BTBD7: variants seen among roughly 807,000 people sequenced by gnomAD.
The protein encoded by BTBD7 is BTB/POZ domain-containing protein 7.
A neutral mutation model predicts 99.9 loss-of-function variants in BTBD7; 38 were observed. The ratio of observed to expected loss-of-function variants is 0.38; its 90% CI spans 0.29 to 0.50. The LOEUF is 0.50. BTBD7 is among the 20% of genes least tolerant of loss of function. The pLI, the probability that BTBD7 is intolerant of heterozygous loss-of-function variation, is 0.93. For missense variants in BTBD7, 1,170 were observed against 1,394.6 expected (o/e 0.84, Z 2.57); for synonymous variants, 520 against 511.4 (o/e 1.02, Z -0.23).
rs756942410 is a variant in BTBD7, at chr14:93,296,068, GGC to G, written c.-19_-18del. 6.2e-6 allele frequency: 10 copies of G among 1,612,528 alleles called. No homozygotes were observed. Among genetic ancestry groups the G allele is most frequent in the Non-Finnish European group, 8.5e-6 (10 of 1,179,326 alleles). ...AGCACCCATTTTCTTCAGTCACTCA[GGC>G]ATTCCGTCTGCGGGTTCTTCAGAGT... On this transcript the variant is annotated 5_prime_UTR_variant, in exon 2 of 11. The change abolishes an upstream ATG in the 5' untranslated region. Coordinates refer to ENST00000334746, the MANE Select transcript of BTBD7 (RefSeq NM_001002860.4).
At chr14:93,290,540 CAA>C (rs2052838039) in intron 3 of BTBD7, among the ~76,000 whole-genome samples, 2 of 91,396 alleles carry the variant, frequency 2.2e-5, no homozygotes, top group East Asian at 6.6e-4. Context: ...TTTTTTAAGA[CAA>C]AGTCTCACTC....
rs533337808 is a variant in BTBD7, at chr14:93,305,475, T to C, written c.-106-9318A>G. Among the ~76,000 whole-genome samples, 5 of 152,286 alleles carry C rather than the reference T, an allele frequency of 3.3e-5. No individual in the cohort carries two copies. In the South Asian group the frequency reaches 1.0e-3, roughly 32 times the overall value. On this transcript the variant is annotated intron_variant, in intron 1 of 10. Transcript: ENST00000334746. ...TAAGAGACATCAACAAGGTCTCTTA[T>C]GAAAAACAAGAAGTAGAAAACCAGA... is the stretch of plus-strand genomic sequence containing the variant.
chr14:93,269,430 C>G (rs3825680), intron 3 of BTBD7, among the ~76,000 whole-genome samples: 1 of 152,096 alleles, frequency 6.6e-6, no homozygotes. Context: ...CCTGTAGGTA[C>G]GAAACCATCA....
intron 1 of BTBD7, among the ~76,000 whole-genome samples, chr14:93,332,566 G>A (rs2053454915): frequency 6.6e-6 from 1 of 151,096 alleles, no homozygotes; most frequent in South Asian, 2.1e-4. Context: ...TCGCGCCCCT[G>A]CCCCAGGGAC....
At position 93,245,977 on chromosome 14, in the gene BTBD7, C is replaced by T; in HGVS notation, c.2431G>A (p.Gly811Ser). 1.2e-6 allele frequency: 2 copies of T among 1,614,042 alleles called. No homozygotes were observed. Among genetic ancestry groups the T allele is most frequent in the Non-Finnish European group, 1.7e-6 (2 of 1,180,002 alleles). Residue 811 changes from glycine to serine, a missense_variant, in exon 10 of 11, where the codon GGC becomes AGC. Physicochemically the swap from Gly to Ser is moderately conservative, Grantham distance 56. Coordinates refer to ENST00000334746, the MANE Select transcript of BTBD7 (RefSeq NM_001002860.4). Reference sequence around the variant, plus strand: ...CTCGGCAAGTAGACTGGGGGAGGGCCAGCTTTAGGAGCTGTTCTGGAGTGG... The same window carrying T: ...CTCGGCAAGTAGACTGGGGGAGGGCTAGCTTTAGGAGCTGTTCTGGAGTGG... ...LFHSRTAPKA[G>S]PPPVYLPSVK...
intron 3 of BTBD7, among the ~76,000 whole-genome samples, chr14:93,277,197 C>T (rs1239800200): frequency 1.3e-5 from 2 of 151,986 alleles, no homozygotes; most frequent in African/African-American, 2.4e-5. Context: ...CCACTGTGCC[C>T]GGCTCAGGTT....
intron 8 of BTBD7, 54 bp downstream of exon 8, chr14:93,251,409 C>A (rs964615812): frequency 2.0e-6 from 3 of 1,491,354 alleles, no homozygotes; most frequent in Non-Finnish European, 1.8e-6. Flanking sequence ...TCAGCAATTT[C>A]AAAAAAACAA....
rs1033785320 is a variant in BTBD7, at chr14:93,290,997, T to G, written c.1162+2861A>C. 2.4e-3 allele frequency among the ~76,000 whole-genome samples: 345 copies of G among 143,712 alleles called. 2 individuals are homozygous for G. Among genetic ancestry groups the G allele is most frequent in the African/African-American group, 8.5e-3 (330 of 38,644 alleles). 94.3% of individuals were successfully genotyped at this position (143,712 alleles called of 152,430 possible). The stretch of plus-strand genomic sequence containing the variant: ...ACTGTGCTAGGCCTAGTTTTTTTTT[T>G]TTTTTTTTTTTTTTTGGTAGAGACG... On this transcript the variant is annotated intron_variant, in intron 3 of 10. Transcript: ENST00000334746.
In BTBD7 at chr14:93,322,717, A is replaced by G. The variant is rs141270724; in HGVS notation, c.-107+10103T>C. Among the ~76,000 whole-genome samples, 253 of 152,362 alleles carry G rather than the reference A, an allele frequency of 1.7e-3. 1 individual carries two copies. Among genetic ancestry groups the G allele is most frequent in the Non-Finnish European group, 3.3e-3 (222 of 68,030 alleles). ...AAGCTAACAACCAGACATCAAAACA[A>G]GAAGGTTTTTCTTCATAGGCAAATA... On this transcript the variant is annotated intron_variant, in intron 1 of 10. Transcript: ENST00000334746.
chr14:93,295,834 TG>T (rs1256072514), intron 2 of BTBD7, 135 bp downstream of exon 2: 4 of 762,588 alleles, frequency 5.2e-6, no homozygotes, highest in East Asian at 2.8e-5. Flanking sequence ...TTACGTTTGT[TG>T]GGGGAAAAAA....
At chr14:93,247,216 T>A (rs762976226) in intron 9 of BTBD7, among the ~76,000 whole-genome samples, 11 of 152,124 alleles carry the variant, frequency 7.2e-5, no homozygotes, top group Admixed American at 2.0e-4. Flanking sequence ...TTTGTAGAGA[T>A]AGGGTTTTGC....
intron 3 of BTBD7, chr14:93,287,524 T>C (rs1412449898): frequency 1.3e-5 from 2 of 152,184 alleles, no homozygotes; most frequent in Non-Finnish European, 2.9e-5. Flanking sequence ...TCATATGTAC[T>C]GTTAAATTTA....
intron 3 of BTBD7, among the ~76,000 whole-genome samples, chr14:93,277,512 T>C (rs1476149470): frequency 6.6e-6 from 1 of 152,194 alleles, no homozygotes; most frequent in Non-Finnish European, 1.5e-5. Flanking sequence ...GATATACCAC[T>C]AGAGTGGGAC....
At chr14:93,305,471 C>G (rs1209684985) in intron 1 of BTBD7, among the ~76,000 whole-genome samples, 2 of 152,186 alleles carry the variant, frequency 1.3e-5, no homozygotes, top group Non-Finnish European at 2.9e-5. Context: ...AACAAGGTCT[C>G]TTATGAAAAA....
intron 3 of BTBD7, among the ~76,000 whole-genome samples, chr14:93,279,737 AAG>A (rs1204512053): frequency 2.0e-5 from 3 of 152,088 alleles, no homozygotes; most frequent in Non-Finnish European, 4.4e-5. Flanking sequence ...TAGTAGAGAC[AAG>A]GTTTCACCAT....
At chr14:93,297,193 G>C (rs1365328424) in intron 1 of BTBD7, among the ~76,000 whole-genome samples, 2 of 152,206 alleles carry the variant, frequency 1.3e-5, no homozygotes. Context: ...GCTAGAAACA[G>C]AACTGTGTCA....
chr14:93,298,283 C>G (rs1595324714), intron 1 of BTBD7, among the ~76,000 whole-genome samples: 1 of 152,244 alleles, frequency 6.6e-6, no homozygotes, highest in East Asian at 1.9e-4. Context: ...TGTAGAGACT[C>G]AAGATGCCAC....
At chr14:93,309,517 C>T (rs551892340) in intron 1 of BTBD7, among the ~76,000 whole-genome samples, 1 of 151,354 alleles carries the variant, frequency 6.6e-6, no homozygotes, top group South Asian at 2.1e-4. Context: ...CCCTGCTAAA[C>T]AAGAAAGCGT....
chr14:93,294,994 G>C, intron 2 of BTBD7, 57 bp from the exon 3 acceptor site: 2 of 1,441,442 alleles, frequency 1.4e-6, no homozygotes, highest in Non-Finnish European at 1.8e-6. Flanking sequence ...CATTTTCAAC[G>C]TTTAACATTT....
Sources: gnomAD v4.1 joint callset for allele counts (sites outside exome capture counted in the v4.1 genomes callset) on GRCh38, gnomAD v4.1.1 for gene constraint, MANE v1.5 for transcripts, NCBI Gene and HGNC (gene_info 2026-07-23, HGNC 2026-07-21) for gene names.